PTPN9: variants seen among roughly 807,000 people sequenced by gnomAD.
PTPN9 encodes protein tyrosine phosphatase non-receptor type 9.
In PTPN9, 26 loss-of-function variants were observed where a neutral mutation model predicts 69.8. That is an observed-to-expected ratio of 0.37 (90% CI 0.27 to 0.52). The LOEUF (loss-of-function observed/expected upper bound fraction) is 0.52, where lower values mean the gene tolerates loss of function less well. Among genes scored for constraint, PTPN9 ranks in the 20% least tolerant of loss-of-function variants. The pLI is 0.91. For synonymous variants in PTPN9, 274 were observed against 272.5 expected, an observed-to-expected ratio of 1.01 and a Z score of -0.05; for missense variants, 549 against 740.3, an observed-to-expected ratio of 0.74 and a Z score of 3.00.
intron 1 of PTPN9, among the ~76,000 whole-genome samples, chr15:75,558,641 G>C (rs550331425): frequency 6.6e-6 from 1 of 152,298 alleles, no homozygotes; most frequent in African/African-American, 2.4e-5. Flanking sequence ...TGATTCTCCT[G>C]CCTCAGCCTG....
chr15:75,483,175 T>A (rs939028330), intron 8 of PTPN9, among the ~76,000 whole-genome samples: 4 of 152,240 alleles, frequency 2.6e-5, no homozygotes, highest in Admixed American at 6.5e-5. Flanking sequence ...AACAGTCTGG[T>A]TGTTCCTGAA....
At chr15:75,528,992 T>C (rs755097811) in intron 1 of PTPN9, among the ~76,000 whole-genome samples, 14 of 151,388 alleles carry the variant, frequency 9.2e-5, no homozygotes, top group Middle Eastern at 3.4e-3. Flanking sequence ...GTGAGCTAAA[T>C]TGGAATTTTT....
intron 11 of PTPN9, 54 bp downstream of exon 11, chr15:75,470,626 G>GT (rs2074558845): frequency 1.3e-6 from 2 of 1,576,058 alleles, no homozygotes; most frequent in African/African-American, 1.4e-5. Context: ...TTTCATTACA[G>GT]TAATTATTCT....
In PTPN9 at chr15:75,574,739, G is replaced by C. The variant is rs550312693; in HGVS notation, c.63+3975C>G. 4.5e-4 allele frequency among the ~76,000 whole-genome samples: 68 copies of C among 151,864 alleles called. No homozygotes were observed. The South Asian group carries it at 0.011, about 25-fold the overall frequency. On this transcript the variant is annotated intron_variant, in intron 1 of 12. Transcript: ENST00000618819. ...GTGAATTGCCTGAGGTCAGGAGTTC[G>C]AGACCAGCCTAGCTAATGTAGTGAA... is the stretch of plus-strand genomic sequence containing the variant.
At chr15:75,576,175 T>C (rs1411949217) in intron 1 of PTPN9, among the ~76,000 whole-genome samples, 2 of 150,928 alleles carry the variant, frequency 1.3e-5, no homozygotes, top group East Asian at 3.9e-4. Flanking sequence ...GAGTTTGCAG[T>C]GAGCCGAGAT....
At chr15:75,511,633 G>A (rs2074845567) in intron 5 of PTPN9, among the ~76,000 whole-genome samples, 1 of 151,992 alleles carries the variant, frequency 6.6e-6, no homozygotes, top group Admixed American at 6.6e-5. Flanking sequence ...TTCTATATGG[G>A]TAGCTGTTTT....
At chr15:75,497,428 G>C (rs1338824428) in intron 7 of PTPN9, among the ~76,000 whole-genome samples, 1 of 152,150 alleles carries the variant, frequency 6.6e-6, no homozygotes, top group Non-Finnish European at 1.5e-5. Flanking sequence ...GGAGGTTAAG[G>C]CTGCCATAAG....
In PTPN9 at chr15:75,574,010, G is replaced by C. The variant is rs139715106; in HGVS notation, c.63+4704C>G. 5.3e-4 allele frequency among the ~76,000 whole-genome samples: 80 copies of C among 152,310 alleles called. 1 individual carries two copies. The highest frequency in any genetic ancestry group is 8.4e-4 in the Non-Finnish European group (57 of 68,030). On this transcript the variant is annotated intron_variant, in intron 1 of 12. Transcript: ENST00000618819. Reference sequence around the variant, plus strand: ...TCCTGCAAAGACCCTGTAAGCAGGAGGAAACAAGGAAAGAAGGCAGGACTA... The same window carrying C: ...TCCTGCAAAGACCCTGTAAGCAGGACGAAACAAGGAAAGAAGGCAGGACTA...
At chr15:75,470,326 G>C (rs974119251) in intron 11 of PTPN9, among the ~76,000 whole-genome samples, 1 of 152,048 alleles carries the variant, frequency 6.6e-6, no homozygotes, top group African/African-American at 2.4e-5. Context: ...CAGCTAATTT[G>C]TTCTATGTTT....
At chr15:75,573,954 A>AG (rs906255080) in intron 1 of PTPN9, among the ~76,000 whole-genome samples, 9 of 152,176 alleles carry the variant, frequency 5.9e-5, no homozygotes, top group Non-Finnish European at 1.3e-4. Flanking sequence ...AGGTTAACAA[A>AG]GGGGGGTGTT....
intron 6 of PTPN9, among the ~76,000 whole-genome samples, chr15:75,506,667 G>A (rs972673006): frequency 6.6e-6 from 1 of 152,016 alleles, no homozygotes; most frequent in Non-Finnish European, 1.5e-5. Flanking sequence ...ACACAACCAC[G>A]CCCAGCTAAT....
chr15:75,497,084 T>A (rs1037794420), intron 7 of PTPN9, among the ~76,000 whole-genome samples: 1 of 152,054 alleles, frequency 6.6e-6, no homozygotes, highest in African/African-American at 2.4e-5. Flanking sequence ...CAAAATCAAC[T>A]AGAAAGAAAT....
chr15:75,516,834 TC>T (rs1415586445), intron 5 of PTPN9, among the ~76,000 whole-genome samples: 1 of 143,530 alleles, frequency 7.0e-6, no homozygotes, highest in African/African-American at 2.6e-5. Context: ...AACCTCTGCC[TC>T]CCAGGTTCGA....
chr15:75,471,665 C>T (rs2074566343), intron 10 of PTPN9, among the ~76,000 whole-genome samples: 1 of 151,242 alleles, frequency 6.6e-6, no homozygotes, highest in African/African-American at 2.4e-5. Flanking sequence ...CCTGTAATTC[C>T]AGCACTTTAG....
At chr15:75,504,863 G>A (rs1482839030) in intron 7 of PTPN9, among the ~76,000 whole-genome samples, 1 of 150,084 alleles carries the variant, frequency 6.7e-6, no homozygotes, top group African/African-American at 2.5e-5. Context: ...GGTCTGGCCA[G>A]CCACCCCGTC....
intron 6 of PTPN9, among the ~76,000 whole-genome samples, chr15:75,507,172 G>C (rs529101736): frequency 2.0e-5 from 3 of 152,112 alleles, no homozygotes; most frequent in Admixed American, 2.0e-4. Flanking sequence ...CAGCTGGCAC[G>C]GTGGCTCATG....
intron 1 of PTPN9, among the ~76,000 whole-genome samples, chr15:75,538,440 T>C (rs1237372087): frequency 6.6e-6 from 1 of 152,134 alleles, no homozygotes; most frequent in Non-Finnish European, 1.5e-5. Flanking sequence ...CTCCAATCTA[T>C]AATCCCAGCA....
In PTPN9 at chr15:75,570,931, C is replaced by A. The variant is rs1228197797; in HGVS notation, c.63+7783G>T. On this transcript the variant is annotated intron_variant, in intron 1 of 12. Coordinates refer to ENST00000618819, the MANE Select transcript of PTPN9 (RefSeq NM_002833.4). ...GAATATTTTTTCCCCTTGTAATTGG[C>A]TTAAGCTAACATGGTTCTAAAATTT... 2.6e-5 allele frequency among the ~76,000 whole-genome samples: 4 copies of A among 152,076 alleles called. 1 individual carries two copies. Among genetic ancestry groups the A allele is most frequent in the African/African-American group, 9.7e-5 (4 of 41,416 alleles).
intron 7 of PTPN9, among the ~76,000 whole-genome samples, chr15:75,493,855 T>C (rs2074724720): frequency 6.6e-6 from 1 of 152,128 alleles, no homozygotes; most frequent in Admixed American, 6.6e-5. Context: ...AACTATGCCC[T>C]GGCCACTTGT....
Sources: gnomAD v4.1 joint callset for allele counts (sites outside exome capture counted in the v4.1 genomes callset) on GRCh38, gnomAD v4.1.1 for gene constraint, MANE v1.5 for transcripts, NCBI Gene and HGNC (gene_info 2026-07-23, HGNC 2026-07-21) for gene names.